The following LHX8 variants were observed in gnomAD, a reference collection of about 807,000 sequenced individuals.
The protein encoded by LHX8 is LIM/homeobox protein Lhx8.
Under a neutral mutation model 40.3 loss-of-function variants are expected in LHX8, and 12 were observed. The observed-to-expected ratio is 0.30, with a 90% CI of 0.19 to 0.48. LHX8 has a LOEUF of 0.48. LHX8 is among the 20% of genes least tolerant of loss of function. LHX8 has a pLI of 0.99. For synonymous variants in LHX8, 179 were observed against 162.0 expected, an observed-to-expected ratio of 1.10 and a Z score of -0.80; for missense variants, 344 against 433.7, an observed-to-expected ratio of 0.79 and a Z score of 1.84.
chr1:75,175,318 T>G, the LHX8 span, among the ~76,000 whole-genome samples: 1 of 152,206 alleles, frequency 6.6e-6, no homozygotes, highest in Non-Finnish European at 1.5e-5. Flanking sequence ...ACTGGGAAGA[T>G]GCCCAGTAAC....
intron 7 of LHX8, among the ~76,000 whole-genome samples, chr1:75,153,533 T>G (rs2100355634): frequency 6.6e-6 from 1 of 152,004 alleles, no homozygotes; most frequent in East Asian, 1.9e-4. Context: ...CTCCTCAGCC[T>G]CTCGAGCAGC....
intron 8 of LHX8, among the ~76,000 whole-genome samples, chr1:75,158,981 A>C (rs750940545): frequency 6.6e-6 from 1 of 152,148 alleles, no homozygotes; most frequent in Non-Finnish European, 1.5e-5. Flanking sequence ...GAACTTTAGC[A>C]TGTCTTTCCA....
At chr1:75,170,813 G>A in the LHX8 span, among the ~76,000 whole-genome samples, 1 of 152,286 alleles carries the variant, frequency 6.6e-6, no homozygotes, top group East Asian at 1.9e-4. Flanking sequence ...GACTGTAGGA[G>A]GGAGTTGCTA....
chr1:75,191,697 A>G, the LHX8 span, among the ~76,000 whole-genome samples: 9 of 152,334 alleles, frequency 5.9e-5, no homozygotes, highest in Non-Finnish European at 1.3e-4. Context: ...TGTTAGAGGC[A>G]AAGTTTACTA....
intron 6 of LHX8, among the ~76,000 whole-genome samples, chr1:75,145,871 G>A (rs983638785): frequency 2.6e-5 from 4 of 152,018 alleles, no homozygotes; most frequent in Admixed American, 2.0e-4. Context: ...TTTAAAAATT[G>A]TATATCAGAA....
chr1:75,169,996 A>G, the LHX8 span, among the ~76,000 whole-genome samples: 3 of 152,210 alleles, frequency 2.0e-5, no homozygotes, highest in African/African-American at 4.8e-5. Context: ...CAGCTCTGCC[A>G]GCTCCATTTT....
the LHX8 span, among the ~76,000 whole-genome samples, chr1:75,196,070 G>A: frequency 6.6e-6 from 1 of 152,176 alleles, no homozygotes; most frequent in African/African-American, 2.4e-5. Context: ...GCAATGGACA[G>A]TGACAATATA....
the LHX8 span, among the ~76,000 whole-genome samples, chr1:75,180,363 A>G: frequency 1.3e-5 from 2 of 152,088 alleles, no homozygotes; most frequent in Non-Finnish European, 2.9e-5. Context: ...ACATAGTCCC[A>G]TATTTCTTGG....
At chr1:75,144,967 C>T (rs1350441441) in intron 6 of LHX8, among the ~76,000 whole-genome samples, 1 of 151,974 alleles carries the variant, frequency 6.6e-6, no homozygotes, top group African/African-American at 2.4e-5. Flanking sequence ...GAAAAGAAAC[C>T]TTGATGTGAC....
In LHX8 at chr1:75,136,670, G is replaced by C. The variant is rs746689969; in HGVS notation, c.56G>C (p.Gly19Ala). The change falls in exon 2 of 9, where the codon GGC becomes GCC. Residue 19 changes from glycine (G) to alanine (A), a missense_variant. Gly to Ala is a moderately conservative substitution (Grantham distance 60). Around this residue, in one of 3 missense-constraint regions of LHX8, gnomAD observed 108 missense variants for 90.1 expected, o/e 1.20. Transcript: ENST00000356261. ...TALAAGRTRK[G>A]AGEEGLVSPE... ...CTGGCGGCCGGGAGGACTCGCAAAG[G>C]CGCCGGGGAAGAGGGACTGGTGAGT... is the stretch of plus-strand genomic sequence containing the variant. 2.8e-5 allele frequency: 44 copies of C among 1,547,198 alleles called. No homozygotes were observed. In the Admixed American group the frequency reaches 3.5e-4, roughly 12 times the overall value.
chr1:75,183,080 A>G, the LHX8 span: 1 of 152,144 alleles, frequency 6.6e-6, no homozygotes, highest in Non-Finnish European at 1.5e-5. Flanking sequence ...TAAAATTGGA[A>G]TGATACAGAG....
chr1:75,146,875 AT>A (rs759997702), intron 6 of LHX8, among the ~76,000 whole-genome samples: 67 of 152,316 alleles, frequency 4.4e-4, no homozygotes, highest in Non-Finnish European at 7.4e-4. Context: ...AAATTTGTGA[AT>A]TTAAAAATGC....
the LHX8 span, among the ~76,000 whole-genome samples, chr1:75,185,857 T>C: frequency 6.6e-6 from 1 of 152,172 alleles, no homozygotes; most frequent in South Asian, 2.1e-4. Context: ...TTTCAGGATA[T>C]AAAATTAAAG....
chr1:75,162,127 G>A (rs1213916857), downstream of LHX8, among the ~76,000 whole-genome samples: 3 of 152,112 alleles, frequency 2.0e-5, no homozygotes, highest in Non-Finnish European at 4.4e-5. Flanking sequence ...AATAATAGCA[G>A]AGTATTTGTA....
At position 75,143,937 on chromosome 1, in the gene LHX8, G is replaced by A. The variant is rs943066714; in HGVS notation, c.673G>A (p.Asp225Asn). The A allele has an allele frequency of 6.2e-7, 1 of 1,613,098 alleles. No individual in the cohort carries two copies. ...AAGAGCTCGGACCAGCTTTACAGCAGATCAGCTTCAGGTAAGCATAACAAT... is the reference window on the plus strand; with the variant it reads ...AAGAGCTCGGACCAGCTTTACAGCAAATCAGCTTCAGGTAAGCATAACAAT... ...AKRARTSFTA[D>N]QLQVMQAQFA... Residue 225 changes from aspartate to asparagine, a missense_variant, in exon 6 of 9, where the codon GAT becomes AAT. Physicochemically the swap from Asp to Asn is conservative, Grantham distance 23. Around this residue, in one of 3 missense-constraint regions of LHX8, gnomAD observed 147 missense variants for 250.8 expected, o/e 0.59. Transcript: ENST00000356261.
chr1:75,164,220 T>C (rs192656940), downstream of LHX8, among the ~76,000 whole-genome samples: 231 of 152,338 alleles, frequency 1.5e-3, 1 homozygote, highest in African/African-American at 5.4e-3. Context: ...GGTATTTTGA[T>C]ATGTATTCAC....
rs1362118128 is a variant in LHX8, at chr1:75,160,818, G to T, written c.965-1G>T. ...TCCACAAATTTCTTTCTATTTTGTA[G>T]CTCATTCACCAACAACTCTTGGACT... On this transcript the variant is annotated splice_acceptor_variant, in intron 8 of 8. Coordinates refer to ENST00000356261, the MANE Select transcript of LHX8 (RefSeq NM_001256114.2). LOFTEE classifies it high-confidence loss of function. 6.2e-7 allele frequency: 1 copy of T among 1,608,790 alleles called. No individual in the cohort carries two copies. The highest frequency in any genetic ancestry group is 1.1e-5 in the South Asian group (1 of 90,982).
At chr1:75,150,734 TG>T (rs1256387110) in intron 7 of LHX8, among the ~76,000 whole-genome samples, 1 of 150,616 alleles carries the variant, frequency 6.6e-6, no homozygotes, top group African/African-American at 2.4e-5. Context: ...TGGAGTGCAG[TG>T]GTGTGATCTC....
downstream of LHX8, among the ~76,000 whole-genome samples, chr1:75,164,095 A>G (rs1448766381): frequency 6.6e-6 from 1 of 152,164 alleles, no homozygotes; most frequent in Non-Finnish European, 1.5e-5. Flanking sequence ...ATAGTATTAC[A>G]CTGCTTGAAT....
Sources: gnomAD v4.1 joint callset for allele counts (sites outside exome capture counted in the v4.1 genomes callset) on GRCh38, gnomAD v4.1.1 for gene constraint, gnomAD v4.1.1 regional missense constraint, MANE v1.5 for transcripts, NCBI Gene and HGNC (gene_info 2026-07-23, HGNC 2026-07-21) for gene names.